The following EEF1AKMT2 variants were observed in gnomAD, a reference collection of about 807,000 sequenced individuals.
The protein encoded by EEF1AKMT2 is EEF1A lysine methyltransferase 2, also known as eukaryotic translation elongation factor 1 alpha lysine methyltransferase 2.
Under a neutral mutation model 35.8 loss-of-function variants are expected in EEF1AKMT2, and 32 were observed. That is an observed-to-expected ratio of 0.89 (90% confidence interval 0.67 to 1.20). EEF1AKMT2 has a LOEUF of 1.20. Among genes scored for constraint, EEF1AKMT2 ranks in the 50% most tolerant of loss-of-function variants. The pLI is 0.00. For synonymous variants in EEF1AKMT2, 121 were observed against 133.7 expected (o/e 0.91, Z 0.65); for missense variants, 330 against 347.5 (o/e 0.95, Z 0.40).
intron 5 of EEF1AKMT2, among the ~76,000 whole-genome samples, 159 bp from the exon 6 acceptor site, chr10:124,762,717 C>T (rs1950343101): frequency 6.6e-6 from 1 of 152,134 alleles, no homozygotes; most frequent in African/African-American, 2.4e-5. Context: ...TTATTAAAAG[C>T]TTATCGTAAG....
At chr10:124,791,511 C>G (rs549459731) in intron 1 of EEF1AKMT2, among the ~76,000 whole-genome samples, 1 of 152,302 alleles carries the variant, frequency 6.6e-6, no homozygotes, top group East Asian at 1.9e-4. Context: ...CCTTGGGCTC[C>G]AATCCCTTGA....
intron 3 of EEF1AKMT2, among the ~76,000 whole-genome samples, chr10:124,786,432 G>A (rs1224640345): frequency 2.0e-5 from 3 of 151,850 alleles, no homozygotes; most frequent in Admixed American, 6.6e-5. Flanking sequence ...CGTGAATCCG[G>A]GAGGCGGAGC....
At chr10:124,779,209 C>T (rs1419969415) in intron 3 of EEF1AKMT2, among the ~76,000 whole-genome samples, 1 of 152,138 alleles carries the variant, frequency 6.6e-6, no homozygotes, top group Admixed American at 6.5e-5. Flanking sequence ...CAGCTCACTG[C>T]AGCCTCAACC....
intron 3 of EEF1AKMT2, among the ~76,000 whole-genome samples, chr10:124,780,481 C>A (rs1046056515): frequency 6.6e-6 from 1 of 152,138 alleles, no homozygotes; most frequent in Non-Finnish European, 1.5e-5. Flanking sequence ...GTGGACTTAA[C>A]AGCAAAATGA....
chr10:124,762,036 T>C (rs1024962410), intron 6 of EEF1AKMT2, among the ~76,000 whole-genome samples: 5 of 152,208 alleles, frequency 3.3e-5, no homozygotes, highest in African/African-American at 1.2e-4. Context: ...GTTCTGTATT[T>C]TTCTAAATTT....
intron 5 of EEF1AKMT2, among the ~76,000 whole-genome samples, chr10:124,764,303 CA>C (rs71893253): frequency 0.72 from 92,052 of 127,506 alleles, 31,140 homozygotes; most frequent in South Asian, 0.81. Context: ...AGTGCAGGAT[CA>C]AAAAAAAAAA....
intron 5 of EEF1AKMT2, among the ~76,000 whole-genome samples, chr10:124,763,167 T>C (rs529394450): frequency 6.6e-6 from 1 of 152,348 alleles, no homozygotes; most frequent in Admixed American, 6.5e-5. Flanking sequence ...AAATTGCTTC[T>C]GAAGTAAGAT....
rs1229252810 is a variant in EEF1AKMT2, at chr10:124,791,713, G to A, written c.110+11C>T. ...CACGGCTCATCCTCCCCTGCCCAGC[G>A]TCACACTCACTGCTCGCGGGTCCCC... On this transcript the variant is annotated intron_variant, in intron 1 of 6. Coordinates refer to ENST00000368836, the MANE Select transcript of EEF1AKMT2 (RefSeq NM_212554.4). 12 of 1,574,966 alleles carry A rather than the reference G, an allele frequency of 7.6e-6. No homozygotes were observed. The highest frequency in any genetic ancestry group is 9.4e-6 in the Non-Finnish European group (11 of 1,165,328).
chr10:124,784,740 G>T (rs2947343), intron 3 of EEF1AKMT2, among the ~76,000 whole-genome samples: 1 of 152,028 alleles, frequency 6.6e-6, no homozygotes, highest in East Asian at 1.9e-4. Context: ...AGACCAGCCT[G>T]GACAACATGG....
intron 4 of EEF1AKMT2, among the ~76,000 whole-genome samples, chr10:124,768,094 C>T (rs1950395366): frequency 6.6e-6 from 1 of 152,176 alleles, no homozygotes; most frequent in African/African-American, 2.4e-5. Context: ...GGCAAGAATA[C>T]TCTAGGCAGA....
chr10:124,774,697 CCTT>C lies in EEF1AKMT2; in HGVS notation c.374_376del (p.Glu125del). 6.9e-7 allele frequency: 1 copy of C among 1,451,372 alleles called. No individual in the cohort carries two copies. The highest frequency in any genetic ancestry group is 1.6e-5 in the South Asian group (1 of 63,344). 89.9% of individuals were successfully genotyped at this position (1,451,372 alleles called of 1,614,324 possible). A position where few individuals can be genotyped will look rare whatever the true frequency, so the allele number is the denominator to read the frequency against. On this transcript the variant is annotated inframe_deletion, in exon 4 of 7. Coordinates refer to ENST00000368836, the MANE Select transcript of EEF1AKMT2 (RefSeq NM_212554.4). Reference sequence around the variant, plus strand: ...TACCTTTAACTTAATGTTAGATAAACCTTCTTTTTCTATAATACTTCCAGAAAG... The same window carrying C: ...TACCTTTAACTTAATGTTAGATAAACCTTTTTCTATAATACTTCCAGAAAG...
intron 3 of EEF1AKMT2, among the ~76,000 whole-genome samples, chr10:124,775,472 A>G (rs1252946585): frequency 1.3e-5 from 2 of 152,034 alleles, no homozygotes; most frequent in Non-Finnish European, 2.9e-5. Flanking sequence ...GTCTTTACAC[A>G]CCCCCTAACA....
chr10:124,769,082 G>T (rs1046601244), intron 4 of EEF1AKMT2, among the ~76,000 whole-genome samples: 4 of 150,296 alleles, frequency 2.7e-5, no homozygotes, highest in Non-Finnish European at 5.9e-5. Context: ...ATTAGGTGTG[G>T]TGAAGCAGGC....
chr10:124,790,035 G>C (rs551535348), intron 2 of EEF1AKMT2, among the ~76,000 whole-genome samples: 42 of 152,032 alleles, frequency 2.8e-4, no homozygotes, highest in Middle Eastern at 6.8e-3. Flanking sequence ...GGGACTACAG[G>C]CGCGCGCCAC....
chr10:124,786,670 A>G (rs1265808566), intron 3 of EEF1AKMT2, among the ~76,000 whole-genome samples: 5 of 149,462 alleles, frequency 3.3e-5, no homozygotes, highest in Non-Finnish European at 5.9e-5. Flanking sequence ...AAAATTAACC[A>G]GGCATGGTGT....
Position 124,791,787 on chromosome 10 carries a change from C to G in EEF1AKMT2, c.47G>C (p.Arg16Pro). Residue 16 changes from arginine to proline, a missense_variant, in exon 1 of 7, where the codon CGG (arginine) becomes CCG (proline). Coordinates refer to ENST00000368836, the MANE Select transcript of EEF1AKMT2 (RefSeq NM_212554.4). ...DGGGGAAVAA[R>P]SDKGSPGEDG... ...CTCCCCGGGACTGCCCTTGTCCGAC[C>G]GCGCCGCCACCGCAGCGCCACCGCC... The G allele has an allele frequency of 1.3e-6, 2 of 1,592,464 alleles. No individual in the cohort carries two copies. Among genetic ancestry groups the G allele is most frequent in the Non-Finnish European group, 1.7e-6 (2 of 1,174,184 alleles).
intron 4 of EEF1AKMT2, among the ~76,000 whole-genome samples, chr10:124,767,299 G>T (rs1950387381): frequency 1.3e-5 from 2 of 151,114 alleles, no homozygotes; most frequent in African/African-American, 4.9e-5. Context: ...GGATCATGAG[G>T]TCAGGAGATC....
At chr10:124,774,401 A>G (rs1193327046) in intron 4 of EEF1AKMT2, among the ~76,000 whole-genome samples, 3 of 148,414 alleles carry the variant, frequency 2.0e-5, no homozygotes, top group African/African-American at 5.0e-5. Flanking sequence ...AAAAAAAAAA[A>G]AAAAAAAAAC....
chr10:124,783,251 C>T (rs185009909), intron 3 of EEF1AKMT2, among the ~76,000 whole-genome samples: 1 of 151,264 alleles, frequency 6.6e-6, no homozygotes, highest in East Asian at 2.0e-4. Flanking sequence ...AGCAATTCTC[C>T]CACCTCAGCC....
Sources: gnomAD v4.1 joint callset for allele counts (sites outside exome capture counted in the v4.1 genomes callset) on GRCh38, gnomAD v4.1.1 for gene constraint, MANE v1.5 for transcripts, NCBI Gene and HGNC (gene_info 2026-07-23, HGNC 2026-07-21) for gene names.